DNHD1: variants seen among roughly 807,000 people sequenced by gnomAD.
DNHD1 encodes dynein heavy chain domain-containing protein 1.
DNHD1 carries 383 observed loss-of-function variants against 458.1 expected under a neutral mutation model. That is an observed-to-expected ratio of 0.84 (90% CI 0.77 to 0.91). The LOEUF (loss-of-function observed/expected upper bound fraction) is 0.91, where lower values mean the gene tolerates loss of function less well. DNHD1 is among the 40% of genes least tolerant of loss of function. The pLI is 0.00. For synonymous variants in DNHD1, 2,203 were observed against 2,376.9 expected, an observed-to-expected ratio of 0.93 and a Z score of 2.13; for missense variants, 5,336 against 5,866.1, an observed-to-expected ratio of 0.91 and a Z score of 2.95.
intron 24 of DNHD1, among the ~76,000 whole-genome samples, chr11:6,554,816 G>A (rs1004968935): frequency 6.6e-6 from 1 of 152,236 alleles, no homozygotes; most frequent in African/African-American, 2.4e-5. Context: ...ATGTAAAATG[G>A]TACATCCACT....
chr11:6,552,172 T>C (rs1275396626), intron 24 of DNHD1, among the ~76,000 whole-genome samples: 1 of 146,134 alleles, frequency 6.8e-6, no homozygotes, highest in Non-Finnish European at 1.5e-5. Context: ...ATACATGCTG[T>C]ATTAGTCTGT....
chr11:6,571,008 T>C lies in DNHD1; in HGVS notation c.13496T>C (p.Leu4499Pro). 1 of 1,597,326 alleles carries C rather than the reference T, an allele frequency of 6.3e-7. No individual in the cohort carries two copies. The highest frequency in any genetic ancestry group is 8.6e-7 in the Non-Finnish European group (1 of 1,169,108). ...GAACTGAGCCAGTTGGTGGGCACGC[T>C]ACAACGCGACCTTGATTGCCTGTTG... ...ALELSQLVGT[L>P]QRDLDCLLQQ... The change falls in exon 42 of 43, where the codon CTA becomes CCA. Residue 4499 changes from leucine (L) to proline (P), a missense_variant. Coordinates refer to ENST00000254579, the MANE Select transcript of DNHD1 (RefSeq NM_144666.3). This position sits in a 1 kb window ranked among gnomAD's most constrained non-coding sequence, Gnocchi z 5.0.
At chr11:6,513,114 G>A (rs191378787) in intron 7 of DNHD1, among the ~76,000 whole-genome samples, 1 of 152,148 alleles carries the variant, frequency 6.6e-6, no homozygotes, top group East Asian at 1.9e-4. Context: ...AGGAGATGGG[G>A]GTGAGCTGCT....
At position 6,545,159 on chromosome 11, in the gene DNHD1, A is replaced by G. The variant is rs1391102026; in HGVS notation, c.4220A>G (p.Asp1407Gly). The change falls in exon 21 of 43, where the codon GAT becomes GGT. Residue 1407 changes from aspartate (D) to glycine (G), a missense_variant. Asp to Gly is a moderately conservative substitution (Grantham distance 94). Coordinates refer to ENST00000254579, the MANE Select transcript of DNHD1 (RefSeq NM_144666.3). This position sits in a 1 kb window ranked among gnomAD's most constrained non-coding sequence, Gnocchi z 4.9. ...RSCPTGEKNT[D>G]DWESSPNTQT... is the part of the protein sequence containing the mutation. ...TGCCCAACTGGTGAGAAAAACACAG[A>G]TGACTGGGAGTCAAGCCCAAACACA... 6.4e-7 allele frequency: 1 copy of G among 1,552,072 alleles called. No individual in the cohort carries two copies. Among genetic ancestry groups the G allele is most frequent in the Admixed American group, 2.0e-5 (1 of 51,014 alleles).
rs1437984982 is a variant in DNHD1 at position 6,545,081 on chromosome 11, AG to A, written c.4143del (p.Gln1381HisfsTer14). ...LAARLESCEA[Q>X]LWVRRCFPHV... ...GCTCGACTGGAATCATGCGAAGCCC[AG>A]CTATGGGTACGACGCTGCTTTCCTC... On this transcript the variant is annotated frameshift_variant, in exon 21 of 43. Coordinates refer to ENST00000254579, the MANE Select transcript of DNHD1 (RefSeq NM_144666.3). This position sits in a 1 kb window ranked among gnomAD's most constrained non-coding sequence, Gnocchi z 4.9. The A allele has an allele frequency of 4.7e-5, 73 of 1,551,856 alleles. No individual in the cohort carries two copies. The highest frequency in any genetic ancestry group is 6.2e-5 in the Non-Finnish European group (71 of 1,147,056).
rs773634584 is a variant in DNHD1, at chr11:6,568,077, A to G, written c.12373A>G (p.Ile4125Val). The G allele has an allele frequency of 6.3e-7, 1 of 1,576,056 alleles. No individual in the cohort carries two copies. The highest frequency in any genetic ancestry group is 1.2e-5 in the South Asian group (1 of 86,216). Reference sequence around the variant, plus strand: ...CCAGGGGCAGAAGCAACTGCAGGTGATAGCCCTGGGCTCTGAAGCCTGGGA... The same window carrying G: ...CCAGGGGCAGAAGCAACTGCAGGTGGTAGCCCTGGGCTCTGAAGCCTGGGA... ...YQQGQKQLQV[I>V]ALGSEAWDPV... Residue 4125 changes from isoleucine to valine, a missense_variant, in exon 37 of 43, where the codon ATA (isoleucine) becomes GTA (valine). Physicochemically the swap from Ile to Val is conservative, Grantham distance 29. This residue lies in a region of DNHD1 where 695 missense variants were observed against 804.2 expected (regional missense o/e 0.86). Transcript: ENST00000254579.
In DNHD1 at chr11:6,511,254, G is replaced by A. The variant is rs1852329958; in HGVS notation, c.1236-19G>A. ...AGGATTGGGATGCCAGCTCTGACCA[G>A]CTTAGTCCTTGATTCTAGGCTTCTG... On this transcript the variant is annotated intron_variant, in intron 6 of 42. Transcript: ENST00000254579. The A allele has an allele frequency of 1.9e-6, 3 of 1,613,486 alleles. No homozygotes were observed. Among genetic ancestry groups the A allele is most frequent in the Non-Finnish European group, 1.7e-6 (2 of 1,179,630 alleles).
At position 6,498,964 on chromosome 11, in the gene DNHD1, A is replaced by G. The variant is rs888932802; in HGVS notation, c.746+3A>G. ...CCTGTTGGAAGAAAAGAGACCAGGT[A>G]AGTGAGGGACTCAGTCTAGGGCTTG... On this transcript the variant is annotated splice_donor_region_variant and intron_variant, in intron 3 of 42. Coordinates refer to ENST00000254579, the MANE Select transcript of DNHD1 (RefSeq NM_144666.3). The G allele has an allele frequency of 6.3e-7, 1 of 1,593,852 alleles. No homozygotes were observed. Among genetic ancestry groups the G allele is most frequent in the Non-Finnish European group, 8.6e-7 (1 of 1,169,292 alleles).
intron 3 of DNHD1, among the ~76,000 whole-genome samples, chr11:6,499,905 C>G (rs1048846835): frequency 2.7e-5 from 4 of 150,858 alleles, no homozygotes; most frequent in African/African-American, 9.7e-5. Context: ...TATCAGAGCT[C>G]TCTACAGGAT....
Position 6,520,496 on chromosome 11 carries a change from T to C in DNHD1, c.1837+207T>C, listed in dbSNP as rs1852584211. ...TTGCTCACAAATTCACGTGGTTATG[T>C]GTATGTGCGTGCAATGAGAGGGTGT... is the stretch of plus-strand genomic sequence containing the variant. On this transcript the variant is annotated intron_variant, in intron 10 of 42. Transcript: ENST00000254579. The C allele has an allele frequency of 6.3e-6, 9 of 1,422,708 alleles. No individual in the cohort carries two copies. The South Asian group carries it at 1.4e-4, about 21-fold the overall frequency. The allele number at this position is 1,422,708 out of a possible 1,614,324, so 88.1% of individuals were successfully genotyped here. A position where few individuals can be genotyped will look rare whatever the true frequency, so the allele number is the denominator to read the frequency against.
At chr11:6,527,688 C>T (rs1174803586) in intron 10 of DNHD1, among the ~76,000 whole-genome samples, 1 of 152,122 alleles carries the variant, frequency 6.6e-6, no homozygotes, top group African/African-American at 2.4e-5. Context: ...AGCCATAAAG[C>T]TGGATGAGAT....
chr11:6,512,211 CTTTTTTT>C (rs11287049), intron 7 of DNHD1, among the ~76,000 whole-genome samples: 28,089 of 92,262 alleles, frequency 0.3, 2,660 homozygotes, highest in Admixed American at 0.39. Context: ...CTTTTTCTTT[CTTTTTTT>C]TTTTTTTTTT....
chr11:6,505,796 CAATT>C lies in DNHD1; in HGVS notation c.920+2877_920+2880del, dbSNP rs1218816031. Among the ~76,000 whole-genome samples, 3 of 152,146 alleles carry C rather than the reference CAATT, an allele frequency of 2.0e-5. No individual in the cohort carries two copies. Among genetic ancestry groups the C allele is most frequent in the Non-Finnish European group, 4.4e-5 (3 of 68,038 alleles). ...TAATCCATGACACACAGTGGCATCA[CAATT>C]AATTAAATTATCACTTGTGGTTGAA... On this transcript the variant is annotated intron_variant, in intron 4 of 42. Transcript: ENST00000254579. This position sits in a 1 kb window ranked among gnomAD's most constrained non-coding sequence, Gnocchi z 4.4.
chr11:6,558,824 T>C (rs1853523617), intron 26 of DNHD1, 78 bp from the exon 27 acceptor site: 3 of 1,516,466 alleles, frequency 2.0e-6, no homozygotes, highest in African/African-American at 2.8e-5. Flanking sequence ...CCCTTCTTCC[T>C]GAGCTAGGAG....
At position 6,566,649 on chromosome 11, in the gene DNHD1, C is replaced by G. The variant is rs374438454; in HGVS notation, c.11269C>G (p.Leu3757Val). ...GGATCTGGGCCTGAACATGGAAATA[C>G]TGGAAGAACAGATGCTGCATGAAAT... is the stretch of plus-strand genomic sequence containing the variant. ...VLDLGLNMEI[L>V]EEQMLHEILC... Residue 3757 changes from leucine to valine, a missense_variant, in exon 35 of 43, where the codon CTG (leucine) becomes GTG (valine). Coordinates refer to ENST00000254579, the MANE Select transcript of DNHD1 (RefSeq NM_144666.3). The G allele has an allele frequency of 1.2e-6, 2 of 1,613,758 alleles. No homozygotes were observed. The highest frequency in any genetic ancestry group is 4.5e-5 in the East Asian group (2 of 44,884).
At position 6,546,215 on chromosome 11, in the gene DNHD1, T is replaced by C; in HGVS notation, c.5276T>C (p.Leu1759Pro). The change falls in exon 21 of 43, where the codon CTG (leucine) becomes CCG (proline). Residue 1759 changes from leucine to proline, a missense_variant. Coordinates refer to ENST00000254579, the MANE Select transcript of DNHD1 (RefSeq NM_144666.3). ...GCCCTGGGCCAGCGCCTGGGTGAACTGCACCACTTGTATGCCCCACTGTAC... is the reference window on the plus strand; with the variant it reads ...GCCCTGGGCCAGCGCCTGGGTGAACCGCACCACTTGTATGCCCCACTGTAC... ...LSALGQRLGE[L>P]HHLYAPLYQE... 1.9e-6 allele frequency: 3 copies of C among 1,551,570 alleles called. No homozygotes were observed. The highest frequency in any genetic ancestry group is 2.6e-6 in the Non-Finnish European group (3 of 1,146,764).
At chr11:6,511,932 G>C (rs983625076) in intron 7 of DNHD1, among the ~76,000 whole-genome samples, 6 of 152,150 alleles carry the variant, frequency 3.9e-5, no homozygotes, top group African/African-American at 7.2e-5. Flanking sequence ...TCTTGCCCAT[G>C]GTCTATTATC....
In DNHD1 at chr11:6,519,643, G is replaced by A. The variant is rs770817378; in HGVS notation, c.1436G>A (p.Arg479Gln). ...CACATGCAACAGTGCCTACAGGAGC[G>A]AGTACAAAACTGTGACAGGATCAGG... ...TYHMQQCLQE[R>Q]VQNCDRIRTG... Residue 479 changes from arginine to glutamine, a missense_variant, in exon 8 of 43, where the codon CGA becomes CAA. Transcript: ENST00000254579. The A allele has an allele frequency of 9.9e-6, 16 of 1,614,004 alleles. No homozygotes were observed. The highest frequency in any genetic ancestry group is 4.0e-5 in the African/African-American group (3 of 74,896).
intron 3 of DNHD1, among the ~76,000 whole-genome samples, chr11:6,501,619 A>G (rs529061861): frequency 1.2e-4 from 18 of 152,096 alleles, no homozygotes; most frequent in African/African-American, 3.9e-4. Flanking sequence ...AGAGAATGGG[A>G]TGGAACTGGG....
Sources: allele counts gnomAD v4.1 joint callset (sites outside exome capture counted in the v4.1 genomes callset), GRCh38; gene constraint gnomAD v4.1.1; regional missense constraint gnomAD v4.1.1; non-coding constraint Gnocchi (gnomAD v3.1); transcripts MANE v1.5; gene names NCBI Gene and HGNC (gene_info 2026-07-23, HGNC 2026-07-21).